EDNRB: variants seen among roughly 807,000 people sequenced by gnomAD.
EDNRB encodes Hirschsprung disease 2.
A neutral mutation model predicts 46.4 loss-of-function variants in EDNRB; 18 were observed. The ratio of observed to expected loss-of-function variants is 0.39; its 90% CI spans 0.27 to 0.57. The LOEUF (loss-of-function observed/expected upper bound fraction) is 0.57, where lower values mean the gene tolerates loss of function less well. EDNRB is among the 20% of genes least tolerant of loss of function. The pLI, the probability that EDNRB is intolerant of heterozygous loss-of-function variation, is 0.61. For missense variants in EDNRB, 434 were observed against 537.5 expected (o/e 0.81, Z 1.90); for synonymous variants, 213 against 204.9 (o/e 1.04, Z -0.34).
At chr13:77,921,327 C>T (rs187076096), upstream of EDNRB, among the ~76,000 whole-genome samples, 10 of 152,326 alleles carry the variant, frequency 6.6e-5, no homozygotes, top group African/African-American at 2.2e-4. Flanking sequence ...TAAATATACA[C>T]ATTCCTCATT....
At chr13:77,962,734 C>T (rs985269528) in intron 1 of EDNRB, among the ~76,000 whole-genome samples, 1 of 152,152 alleles carries the variant, frequency 6.6e-6, no homozygotes, top group Admixed American at 6.5e-5. Flanking sequence ...CCCTCTCTCA[C>T]CACTCCTATT....
At chr13:77,919,700 A>G, upstream of EDNRB, 2 of 1,340,888 alleles carry the variant, frequency 1.5e-6, no homozygotes, top group Admixed American at 2.1e-5. Context: ...ATGCCTGGAC[A>G]GCATCAGTAG....
At chr13:77,925,702 G>T (rs1335714997) in intron 1 of EDNRB, among the ~76,000 whole-genome samples, 1 of 152,230 alleles carries the variant, frequency 6.6e-6, no homozygotes, top group African/African-American at 2.4e-5. Context: ...AGGCAGTGTA[G>T]AAGGGAAATG....
At chr13:77,919,463 AGCTG>A (rs752480773), upstream of EDNRB, 21 of 1,612,664 alleles carry the variant, frequency 1.3e-5, no homozygotes, top group African/African-American at 2.8e-4. Context: ...GGCGGAACCC[AGCTG>A]GGTTCCAGCC....
At chr13:77,974,738 T>C (rs1881836680) in intron 1 of EDNRB, among the ~76,000 whole-genome samples, 1 of 152,134 alleles carries the variant, frequency 6.6e-6, no homozygotes, top group African/African-American at 2.4e-5. Context: ...CTGGGTGCCC[T>C]GGCTTTACAG....
At chr13:77,924,287 C>T (rs1441677905), upstream of EDNRB, among the ~76,000 whole-genome samples, 1 of 152,164 alleles carries the variant, frequency 6.6e-6, no homozygotes, top group African/African-American at 2.4e-5. Flanking sequence ...ACAATTATTG[C>T]TATCCGTGAA....
chr13:77,902,212 T>C (rs1028827275), intron 3 of EDNRB, among the ~76,000 whole-genome samples: 15 of 151,972 alleles, frequency 9.9e-5, no homozygotes, highest in East Asian at 7.8e-4. Flanking sequence ...TCTATCTGAA[T>C]ATTTGCTGGA....
rs79458354 is a variant in EDNRB, at chr13:77,915,483, G to A, written c.483+2608C>T. Reference sequence around the variant, plus strand: ...TGCAGTGGGATGGGGTGGACCACAGGGTCTTGGGCTGGATGATCTGCTTTC... The same window carrying A: ...TGCAGTGGGATGGGGTGGACCACAGAGTCTTGGGCTGGATGATCTGCTTTC... On this transcript the variant is annotated intron_variant, in intron 1 of 6. Transcript: ENST00000646607. Among the ~76,000 whole-genome samples the A allele has an allele frequency of 2.4e-4, 37 of 152,270 alleles. No individual in the cohort carries two copies. The East Asian group carries it at 5.6e-3, about 23-fold the overall frequency.
chr13:77,939,090 G>A (rs1427978964), intron 1 of EDNRB: 2 of 152,212 alleles, frequency 1.3e-5, no homozygotes, highest in Non-Finnish European at 1.5e-5. Context: ...AGTAAAGGGA[G>A]ATAGGGGTGG....
At chr13:77,970,701 GT>G (rs1320729972) in intron 1 of EDNRB, among the ~76,000 whole-genome samples, 2 of 152,026 alleles carry the variant, frequency 1.3e-5, no homozygotes, top group East Asian at 3.9e-4. Flanking sequence ...GCTCAGATGG[GT>G]CATAACACAC....
chr13:77,963,868 T>G (rs946378498), intron 1 of EDNRB, among the ~76,000 whole-genome samples: 26 of 151,996 alleles, frequency 1.7e-4, no homozygotes, highest in Middle Eastern at 3.2e-3. Context: ...TGCAACCTAC[T>G]CATCTGACAA....
intron 1 of EDNRB, among the ~76,000 whole-genome samples, chr13:77,956,886 T>G (rs987385703): frequency 5.9e-5 from 9 of 152,160 alleles, no homozygotes; most frequent in Admixed American, 5.2e-4. Flanking sequence ...AGGACTTAAG[T>G]AATTAGATGG....
intron 1 of EDNRB, among the ~76,000 whole-genome samples, chr13:77,941,677 A>G (rs1216461711): frequency 8.8e-6 from 1 of 113,234 alleles, no homozygotes; most frequent in Non-Finnish European, 1.8e-5. Flanking sequence ...CACTTTTTCA[A>G]AAGGATGAGG....
intron 3 of EDNRB, among the ~76,000 whole-genome samples, chr13:77,901,464 A>C (rs527820235): frequency 6.6e-6 from 1 of 152,156 alleles, no homozygotes; most frequent in African/African-American, 2.4e-5. Flanking sequence ...TTAAGTAGTT[A>C]GGCAAAATTT....
At chr13:77,960,294 C>T (rs770744443) in intron 1 of EDNRB, among the ~76,000 whole-genome samples, 3 of 152,096 alleles carry the variant, frequency 2.0e-5, no homozygotes, top group South Asian at 4.2e-4. Context: ...AGAGAAAGGT[C>T]GGGTTACCCA....
At chr13:77,962,653 C>T (rs1371667325) in intron 1 of EDNRB, among the ~76,000 whole-genome samples, 1 of 152,186 alleles carries the variant, frequency 6.6e-6, no homozygotes, top group African/African-American at 2.4e-5. Flanking sequence ...GACAAACTCA[C>T]AGCCAGTATC....
chr13:77,917,826 A>G (rs550084343), intron 1 of EDNRB, among the ~76,000 whole-genome samples: 2 of 152,342 alleles, frequency 1.3e-5, no homozygotes, highest in South Asian at 2.1e-4. Flanking sequence ...AGTGATACTA[A>G]CATTGCTAGA....
chr13:77,918,173 T>A lies in EDNRB; in HGVS notation c.401A>T (p.Asn134Ile), dbSNP rs1396733251. ...RIIYKNKCMR[N>I]GPNILIASLA... The stretch of plus-strand genomic sequence containing the variant: ...GCTGGCGATCAAGATATTGGGACCG[T>A]TTCGCATGCACTTGTTCTTGTAGAT... Residue 134 changes from asparagine (N) to isoleucine (I), a missense_variant, in exon 1 of 7, where the codon AAC becomes ATC. By Grantham distance (149) the Asn-to-Ile change is moderately radical. Transcript: ENST00000646607. This position sits in a 1 kb window ranked among gnomAD's most constrained non-coding sequence, Gnocchi z 4.5. 6.2e-7 allele frequency: 1 copy of A among 1,614,034 alleles called. No individual in the cohort carries two copies. The highest frequency in any genetic ancestry group is 8.5e-7 in the Non-Finnish European group (1 of 1,180,038).
chr13:77,927,340 T>C (rs780657371), intron 1 of EDNRB, among the ~76,000 whole-genome samples: 1 of 152,154 alleles, frequency 6.6e-6, no homozygotes, highest in Non-Finnish European at 1.5e-5. Context: ...TGTTCTAGAT[T>C]AACACAGTGA....
Sources: allele counts gnomAD v4.1 joint callset (sites outside exome capture counted in the v4.1 genomes callset), GRCh38; gene constraint gnomAD v4.1.1; non-coding constraint Gnocchi (gnomAD v3.1); transcripts MANE v1.5; gene names NCBI Gene and HGNC (gene_info 2026-07-23, HGNC 2026-07-21).